WNT9A: variants seen among roughly 807,000 people sequenced by gnomAD.
WNT9A encodes the protein Wnt family member 9A.
In WNT9A, 8 loss-of-function variants were observed where a neutral mutation model predicts 31.4. The observed-to-expected ratio is 0.26, with a 90% CI of 0.15 to 0.46. The LOEUF (loss-of-function observed/expected upper bound fraction) is 0.46, where lower values mean the gene tolerates loss of function less well. WNT9A is among the 20% of genes least tolerant of loss of function. The pLI, the probability that WNT9A is intolerant of heterozygous loss-of-function variation, is 0.99. For missense variants in WNT9A, 457 were observed against 522.9 expected, an observed-to-expected ratio of 0.87 and a Z score of 1.23; for synonymous variants, 236 against 220.1, an observed-to-expected ratio of 1.07 and a Z score of -0.64.
At chr1:227,936,817 T>C (rs1281013520) in intron 1 of WNT9A, among the ~76,000 whole-genome samples, 1 of 152,180 alleles carries the variant, frequency 6.6e-6, no homozygotes, top group Non-Finnish European at 1.5e-5. Context: ...TGTGTCATGT[T>C]CCAGGGTGAA....
intron 1 of WNT9A, among the ~76,000 whole-genome samples, chr1:227,932,012 C>T (rs928101179): frequency 2.0e-5 from 3 of 152,126 alleles, no homozygotes; most frequent in African/African-American, 7.2e-5. Flanking sequence ...TGAGCCATCA[C>T]GCCCAGCCGG....
chr1:227,923,708 T>C (rs534314202), intron 3 of WNT9A, among the ~76,000 whole-genome samples: 25 of 152,212 alleles, frequency 1.6e-4, no homozygotes, highest in Admixed American at 1.3e-3. Context: ...CCACCATGCC[T>C]CCCACCTTGG....
intron 1 of WNT9A, among the ~76,000 whole-genome samples, chr1:227,936,577 C>T (rs1029830897): frequency 1.3e-5 from 2 of 152,148 alleles, no homozygotes; most frequent in African/African-American, 4.8e-5. Context: ...TCAGGTGATC[C>T]ACCCACCGCA....
At chr1:227,946,260 C>T (rs1046471478) in intron 1 of WNT9A, among the ~76,000 whole-genome samples, 4 of 152,254 alleles carry the variant, frequency 2.6e-5, no homozygotes, top group Non-Finnish European at 4.4e-5. Context: ...AGAGATAGGT[C>T]AGAGAAGGAG....
chr1:227,944,256 A>G (rs958869399), intron 1 of WNT9A, among the ~76,000 whole-genome samples: 2 of 152,226 alleles, frequency 1.3e-5, no homozygotes, highest in African/African-American at 4.8e-5. Context: ...GAGTGAGAGA[A>G]GCCAGGCGCG....
At chr1:227,922,022 G>T in intron 3 of WNT9A, 22 bp from the exon 4 acceptor site, 1 of 1,583,772 alleles carries the variant, frequency 6.3e-7, no homozygotes, top group South Asian at 1.2e-5. Flanking sequence ...GTGCGGGAGG[G>T]AGGGCAGTGT....
intron 1 of WNT9A, among the ~76,000 whole-genome samples, chr1:227,937,347 A>G (rs948982636): frequency 6.6e-6 from 1 of 152,188 alleles, no homozygotes; most frequent in African/African-American, 2.4e-5. Flanking sequence ...CGGGCTGCTC[A>G]CTGTACTGAG....
chr1:227,946,826 G>A (rs903268656), intron 1 of WNT9A, among the ~76,000 whole-genome samples: 2 of 152,112 alleles, frequency 1.3e-5, no homozygotes, highest in Admixed American at 6.5e-5. Context: ...CCAGAGGGCC[G>A]GGAACAGGTG....
chr1:227,944,317 G>C (rs1666762162), intron 1 of WNT9A, among the ~76,000 whole-genome samples: 1 of 152,232 alleles, frequency 6.6e-6, no homozygotes, highest in Non-Finnish European at 1.5e-5. Flanking sequence ...AGGACAGGCA[G>C]ACCCGTGGAG....
intron 1 of WNT9A, among the ~76,000 whole-genome samples, 185 bp downstream of exon 1, chr1:227,947,608 T>C (rs1666815523): frequency 6.6e-6 from 1 of 151,552 alleles, no homozygotes; most frequent in African/African-American, 2.4e-5. Flanking sequence ...TCCACCCGCC[T>C]CTCTAGCCGT....
At chr1:227,938,393 A>AC (rs1158724825) in intron 1 of WNT9A, among the ~76,000 whole-genome samples, 1 of 150,702 alleles carries the variant, frequency 6.6e-6, no homozygotes, top group African/African-American at 2.5e-5. Flanking sequence ...ACCCACACAA[A>AC]CCCCCTCACA....
chr1:227,924,566 G>A (rs373406734), intron 2 of WNT9A, among the ~76,000 whole-genome samples, 166 bp from the exon 3 acceptor site: 14 of 151,824 alleles, frequency 9.2e-5, no homozygotes, highest in African/African-American at 3.1e-4. Context: ...GCCACCACAG[G>A]GTAGGAAACG....
chr1:227,922,767 C>T (rs1666345097), intron 3 of WNT9A, among the ~76,000 whole-genome samples: 1 of 152,212 alleles, frequency 6.6e-6, no homozygotes, highest in Non-Finnish European at 1.5e-5. Flanking sequence ...AGGGCCCCAC[C>T]TGCAAAGACA....
chr1:227,921,289 C>T lies in WNT9A; in HGVS notation c.*229G>A. 1.6e-6 allele frequency: 1 copy of T among 634,498 alleles called. No individual in the cohort carries two copies. The highest frequency in any genetic ancestry group is 2.9e-5 in the East Asian group (1 of 34,998). 39.3% of individuals were successfully genotyped at this position (634,498 alleles called of 1,614,324 possible). ...GGCCCATTCATGCTCTGTGCAATGC[C>T]TGCACCCCATGCAGCTAGGACTGAG... On this transcript the variant is annotated 3_prime_UTR_variant, in exon 4 of 4. Transcript: ENST00000272164.
intron 1 of WNT9A, among the ~76,000 whole-genome samples, chr1:227,946,866 G>A (rs964158651): frequency 4.3e-4 from 66 of 151,978 alleles, no homozygotes; most frequent in African/African-American, 1.5e-3. Flanking sequence ...CCGGCTGAGG[G>A]AGCGGCCCAG....
At chr1:227,933,008 G>T (rs1363584295) in intron 1 of WNT9A, among the ~76,000 whole-genome samples, 2 of 152,220 alleles carry the variant, frequency 1.3e-5, no homozygotes, top group African/African-American at 4.8e-5. Flanking sequence ...AGCTGCATTA[G>T]CCCCTATCAA....
Position 227,925,327 on chromosome 1 carries a change from C to A in WNT9A, c.288G>T (p.Gln96His). 2 of 1,608,854 alleles carry A rather than the reference C, an allele frequency of 1.2e-6. No individual in the cohort carries two copies. Among genetic ancestry groups the A allele is most frequent in the Admixed American group, 1.7e-5 (1 of 59,808 alleles). The change falls in exon 2 of 4, where the codon CAG (glutamine) becomes CAT (histidine). Residue 96 changes from glutamine (Q) to histidine (H), a missense_variant. Coordinates refer to ENST00000272164, the MANE Select transcript of WNT9A (RefSeq NM_003395.4). The surrounding 1 kb of genome is among the most constrained non-coding windows in gnomAD (Gnocchi z 6.0). ...TGCAGTTCCAGCGCTCAAAGCGGAA[C>A]TGGAACTGGCACTCGAGCGCACTCA... The part of the protein sequence containing the change: ...VSMSALECQF[Q>H]FRFERWNCTL...
At chr1:227,940,575 A>G (rs922577329) in intron 1 of WNT9A, among the ~76,000 whole-genome samples, 4 of 151,920 alleles carry the variant, frequency 2.6e-5, no homozygotes, top group African/African-American at 9.7e-5. Context: ...CTCTGTCCCC[A>G]TCTGGCCAGG....
chr1:227,937,846 T>C (rs1412111597), intron 1 of WNT9A, among the ~76,000 whole-genome samples: 1 of 152,230 alleles, frequency 6.6e-6, no homozygotes, highest in Non-Finnish European at 1.5e-5. Context: ...GCAGCACAGA[T>C]TTTGGAAAGG....
Sources: gnomAD v4.1 joint callset for allele counts (sites outside exome capture counted in the v4.1 genomes callset) on GRCh38, gnomAD v4.1.1 for gene constraint, Gnocchi (gnomAD v3.1) non-coding constraint, MANE v1.5 for transcripts, NCBI Gene and HGNC (gene_info 2026-07-23, HGNC 2026-07-21) for gene names.